Variants in BCL2L13 observed in about 807,000 individuals in gnomAD.
The protein encoded by BCL2L13 is BCL2 like 13, also known as bcl-2-like protein 13.
Under a neutral mutation model 25.8 loss-of-function variants are expected in BCL2L13, and 13 were observed. The ratio of observed to expected loss-of-function variants is 0.50; its 90% confidence interval spans 0.33 to 0.80. BCL2L13 has a LOEUF of 0.80. BCL2L13 is among the 30% of genes least tolerant of loss of function. The pLI, the probability that BCL2L13 is intolerant of heterozygous loss-of-function variation, is 0.02. For synonymous variants in BCL2L13, 244 were observed against 230.3 expected, an observed-to-expected ratio of 1.06 and a Z score of -0.54; for missense variants, 504 against 574.9, an observed-to-expected ratio of 0.88 and a Z score of 1.26.
intron 2 of BCL2L13, among the ~76,000 whole-genome samples, chr22:17,682,636 T>C (rs1439599305): frequency 6.6e-6 from 1 of 152,208 alleles, no homozygotes; most frequent in Non-Finnish European, 1.5e-5. Flanking sequence ...TGAGTTAATG[T>C]GTTTCTGAAG....
chr22:17,706,856 C>G, intron 6 of BCL2L13: 1 of 1,347,428 alleles, frequency 7.4e-7, no homozygotes. Flanking sequence ...TCTCCGTCGT[C>G]ACATGATAAA....
intron 4 of BCL2L13, among the ~76,000 whole-genome samples, chr22:17,693,368 G>GTTTTTTTTT (rs1335053444): frequency 8.9e-6 from 1 of 112,236 alleles, no homozygotes; most frequent in African/African-American, 3.9e-5. Context: ...TTTATTTAGT[G>GTTTTTTTTT]TTTGTTTTTT....
At chr22:17,719,827 C>CAAAAAAAA (rs60474373) in intron 6 of BCL2L13, among the ~76,000 whole-genome samples, 9 of 91,128 alleles carry the variant, frequency 9.9e-5, no homozygotes, top group Admixed American at 1.4e-4. Flanking sequence ...GACTCCATCT[C>CAAAAAAAA]AAAAAAAAAA....
intron 6 of BCL2L13, among the ~76,000 whole-genome samples, chr22:17,706,060 C>T (rs1324514032): frequency 6.6e-6 from 1 of 152,192 alleles, no homozygotes; most frequent in African/African-American, 2.4e-5. Context: ...GTTGCCCTGG[C>T]TGGAGTACAG....
chr22:17,696,376 T>C (rs1245093207), intron 5 of BCL2L13, among the ~76,000 whole-genome samples, 166 bp downstream of exon 5: 3 of 152,242 alleles, frequency 2.0e-5, no homozygotes, highest in Non-Finnish European at 4.4e-5. Context: ...CGATTAATGC[T>C]GCAAGGTCCT....
In BCL2L13 at chr22:17,726,844, G is replaced by A; in HGVS notation, c.768G>A (p.Leu256=). The change falls in exon 7 of 7, where the codon CTG becomes CTA. Residue 256 remains leucine, a synonymous_variant. Transcript: ENST00000317582. The part of the protein sequence containing the change: ...SWQSESLPVS[L]SASQSWHTES... The stretch of plus-strand genomic sequence containing the variant: ...AGTCTGAGAGCTTACCTGTGTCACT[G>A]TCAGCTAGCCAGAGTTGGCACACAG... The A allele has an allele frequency of 1.2e-6, 2 of 1,613,936 alleles. No individual in the cohort carries two copies. The highest frequency in any genetic ancestry group is 1.1e-5 in the South Asian group (1 of 91,076).
At chr22:17,637,102 G>A (rs1023819706), upstream of BCL2L13, among the ~76,000 whole-genome samples, 3 of 151,458 alleles carry the variant, frequency 2.0e-5, no homozygotes, top group East Asian at 2.0e-4. Flanking sequence ...GTGAGACCCC[G>A]TCTCTATTAA....
intron 2 of BCL2L13, among the ~76,000 whole-genome samples, chr22:17,676,460 C>T (rs1395616274): frequency 1.3e-5 from 2 of 151,966 alleles, no homozygotes; most frequent in African/African-American, 4.8e-5. Context: ...GAGACTCTGT[C>T]TCAATTAAAA....
At chr22:17,683,769 T>C (rs1176029455) in intron 3 of BCL2L13, among the ~76,000 whole-genome samples, 2 of 151,824 alleles carry the variant, frequency 1.3e-5, no homozygotes, top group African/African-American at 4.8e-5. Context: ...CATTACAACA[T>C]AAACTTTAAA....
intron 1 of BCL2L13, among the ~76,000 whole-genome samples, chr22:17,642,742 C>T (rs1242974735): frequency 6.6e-6 from 1 of 151,924 alleles, no homozygotes; most frequent in Non-Finnish European, 1.5e-5. Context: ...TATGGGCACA[C>T]ACCACCATAC....
At chr22:17,699,992 A>G (rs1224998451) in intron 5 of BCL2L13, among the ~76,000 whole-genome samples, 1 of 152,106 alleles carries the variant, frequency 6.6e-6, no homozygotes. Context: ...AGCCTGGTAT[A>G]TGGTAGTCAT....
At chr22:17,699,441 TAAAC>T (rs2060364941) in intron 5 of BCL2L13, among the ~76,000 whole-genome samples, 1 of 151,510 alleles carries the variant, frequency 6.6e-6, no homozygotes, top group Admixed American at 6.6e-5. Context: ...TCTAACCTGT[TAAAC>T]AAAGAGACCA....
chr22:17,646,971 T>TC lies in BCL2L13; in HGVS notation c.-51+8085_-51+8086insC, dbSNP rs1271854522. Among the ~76,000 whole-genome samples the TC allele has an allele frequency of 2.7e-3, 301 of 111,462 alleles. 3 individuals carry two copies. The highest frequency in any genetic ancestry group is 1.0e-2 in the African/African-American group (279 of 28,032). 73.1% of individuals were successfully genotyped at this position (111,462 alleles called of 152,430 possible). A position where few individuals can be genotyped will look rare whatever the true frequency, so the allele number is the denominator to read the frequency against. On this transcript the variant is annotated intron_variant, in intron 1 of 6. Coordinates refer to ENST00000317582, the MANE Select transcript of BCL2L13 (RefSeq NM_015367.4). ...TATATATATATTTTTTTTTTTTTTT[T>TC]TTTTTTTTCTTTTTCTTTTTGGGAT...
At chr22:17,717,380 C>CAAAAA (rs371314290) in intron 6 of BCL2L13, among the ~76,000 whole-genome samples, 1 of 126,248 alleles carries the variant, frequency 7.9e-6, no homozygotes, top group Admixed American at 7.4e-5. Flanking sequence ...GACTCTGTCT[C>CAAAAA]AAAAAAGATC....
chr22:17,680,723 C>T (rs973503218), intron 2 of BCL2L13, among the ~76,000 whole-genome samples: 2 of 151,702 alleles, frequency 1.3e-5, no homozygotes, highest in Admixed American at 6.6e-5. Context: ...GGTAAGGAAT[C>T]GTGCTAACAC....
chr22:17,664,069 G>A (rs572901011), intron 2 of BCL2L13, among the ~76,000 whole-genome samples: 131 of 152,202 alleles, frequency 8.6e-4, no homozygotes, highest in African/African-American at 3.0e-3. Flanking sequence ...GCCTGGTCTT[G>A]GACTCCTGAC....
chr22:17,723,281 G>A (rs2061199892), intron 6 of BCL2L13, among the ~76,000 whole-genome samples: 1 of 152,066 alleles, frequency 6.6e-6, no homozygotes, highest in South Asian at 2.1e-4. Context: ...AAGCTGGGAG[G>A]CCTAGAAGCC....
intron 3 of BCL2L13, 95 bp downstream of exon 3, chr22:17,683,416 A>G: frequency 1.5e-6 from 1 of 672,040 alleles, no homozygotes; most frequent in Non-Finnish European, 2.5e-6. Flanking sequence ...GGTATTCTCA[A>G]CAGTTAACAA....
At chr22:17,723,752 GTGAAACCCCGTC>G (rs960815535) in intron 6 of BCL2L13, among the ~76,000 whole-genome samples, 2 of 152,060 alleles carry the variant, frequency 1.3e-5, no homozygotes, top group African/African-American at 4.8e-5. Flanking sequence ...GGCCAACATG[GTGAAACCCCGTC>G]TCTACTAAAA....
Sources: allele counts gnomAD v4.1 joint callset (sites outside exome capture counted in the v4.1 genomes callset), GRCh38; gene constraint gnomAD v4.1.1; transcripts MANE v1.5; gene names NCBI Gene and HGNC (gene_info 2026-07-23, HGNC 2026-07-21).